COL25A1: variants seen among roughly 807,000 people sequenced by gnomAD.
COL25A1 encodes the protein collagen type XXV alpha 1 chain, also known as collagen alpha-1(XXV) chain.
Under a neutral mutation model 128.4 loss-of-function variants are expected in COL25A1, and 103 were observed. The observed-to-expected ratio is 0.80, with a 90% CI of 0.68 to 0.94. COL25A1 has a LOEUF of 0.94. COL25A1 is among the 40% of genes least tolerant of loss of function. COL25A1 has a pLI of 0.00. For synonymous variants in COL25A1, 279 were observed against 277.2 expected (o/e 1.01, Z -0.06); for missense variants, 745 against 840.0 (o/e 0.89, Z 1.40).
At chr4:108,956,718 T>C (rs1472423716) in intron 8 of COL25A1, among the ~76,000 whole-genome samples, 2 of 152,194 alleles carry the variant, frequency 1.3e-5, no homozygotes, top group East Asian at 3.9e-4. Flanking sequence ...AATATATGTA[T>C]TAATGAAACA....
At chr4:109,088,415 A>C (rs1302934179) in intron 3 of COL25A1, among the ~76,000 whole-genome samples, 2 of 152,212 alleles carry the variant, frequency 1.3e-5, no homozygotes, top group Non-Finnish European at 2.9e-5. Context: ...TTTTATTTTT[A>C]ATTGTAAATT....
intron 3 of COL25A1, among the ~76,000 whole-genome samples, chr4:109,214,254 A>C (rs541645835): frequency 6.6e-6 from 1 of 152,246 alleles, no homozygotes; most frequent in South Asian, 2.1e-4. Flanking sequence ...CATATTGAAA[A>C]CTTCATAAAA....
intron 3 of COL25A1, among the ~76,000 whole-genome samples, chr4:109,174,695 G>C (rs1773917237): frequency 6.6e-6 from 1 of 152,142 alleles, no homozygotes; most frequent in African/African-American, 2.4e-5. Flanking sequence ...AGAACTCCAG[G>C]GCAGGAATCT....
At chr4:109,100,631 C>A (rs1341655977) in intron 3 of COL25A1, among the ~76,000 whole-genome samples, 1 of 152,100 alleles carries the variant, frequency 6.6e-6, no homozygotes, top group Non-Finnish European at 1.5e-5. Flanking sequence ...TTCCCTGTAG[C>A]ATTTCTATAC....
intron 3 of COL25A1, among the ~76,000 whole-genome samples, chr4:109,110,779 C>A (rs574045303): frequency 6.6e-6 from 1 of 152,294 alleles, no homozygotes; most frequent in East Asian, 1.9e-4. Context: ...TCACCCCACA[C>A]AACAAATAAG....
chr4:109,117,841 T>A (rs1767750522), intron 3 of COL25A1, among the ~76,000 whole-genome samples: 1 of 151,940 alleles, frequency 6.6e-6, no homozygotes, highest in South Asian at 2.1e-4. Flanking sequence ...ATTTAGAAAG[T>A]GGACTCAGAT....
chr4:108,842,558 A>G (rs1734571521), intron 30 of COL25A1, among the ~76,000 whole-genome samples: 1 of 152,222 alleles, frequency 6.6e-6, no homozygotes, highest in African/African-American at 2.4e-5. Context: ...ACTGCAGGAA[A>G]AAGTTTTTAT....
intron 3 of COL25A1, among the ~76,000 whole-genome samples, chr4:109,148,130 A>C (rs1016312073): frequency 3.3e-5 from 5 of 152,210 alleles, no homozygotes; most frequent in African/African-American, 4.8e-5. Context: ...CTTGAATTTC[A>C]TTACTATTGT....
intron 37 of COL25A1, among the ~76,000 whole-genome samples, chr4:108,815,354 G>A (rs2125702662): frequency 6.9e-6 from 1 of 144,504 alleles, no homozygotes; most frequent in African/African-American, 2.5e-5. Context: ...GCAATCCGCT[G>A]ACTTTATTTT....
chr4:108,971,096 C>T (rs964780646), intron 8 of COL25A1, among the ~76,000 whole-genome samples: 1 of 152,126 alleles, frequency 6.6e-6, no homozygotes, highest in African/African-American at 2.4e-5. Context: ...TCAAGTGTCA[C>T]CTCTTCCACA....
intron 18 of COL25A1, among the ~76,000 whole-genome samples, chr4:108,886,483 TGTG>T (rs1560806392): frequency 3.1e-4 from 41 of 133,972 alleles, no homozygotes; most frequent in Middle Eastern, 3.8e-3. Context: ...TGTGTGTGTG[TGTG>T]TGTGTGTTTA....
intron 3 of COL25A1, among the ~76,000 whole-genome samples, chr4:109,247,443 C>A (rs1421561595): frequency 6.6e-6 from 1 of 152,092 alleles, no homozygotes; most frequent in African/African-American, 2.4e-5. Context: ...GAAAAGAAGC[C>A]AGTTAATGCT....
intron 31 of COL25A1, among the ~76,000 whole-genome samples, chr4:108,834,119 G>C (rs944417590): frequency 2.6e-5 from 4 of 152,156 alleles, no homozygotes; most frequent in African/African-American, 7.2e-5. Flanking sequence ...ATCCAGACTT[G>C]AACACGAGCT....
chr4:108,823,700 T>C (rs1415083077), intron 35 of COL25A1, among the ~76,000 whole-genome samples: 1 of 152,150 alleles, frequency 6.6e-6, no homozygotes, highest in East Asian at 1.9e-4. Flanking sequence ...CTGTAGTTTA[T>C]CAGTCACACT....
intron 5 of COL25A1, among the ~76,000 whole-genome samples, chr4:109,026,135 C>CAT (rs1553917374): frequency 1.3e-5 from 2 of 150,806 alleles, no homozygotes; most frequent in Admixed American, 6.6e-5. Context: ...CACACACACA[C>CAT]ATATACTCTT....
chr4:108,872,867 T>C (rs1738935210), intron 19 of COL25A1, among the ~76,000 whole-genome samples: 1 of 152,122 alleles, frequency 6.6e-6, no homozygotes, highest in South Asian at 2.1e-4. Context: ...TTTTTAGAAA[T>C]TTTTCAGTTT....
chr4:108,954,209 G>A (rs1046918961), intron 8 of COL25A1, among the ~76,000 whole-genome samples: 4 of 152,040 alleles, frequency 2.6e-5, no homozygotes, highest in African/African-American at 7.2e-5. Flanking sequence ...TGTCAAAACC[G>A]AATTTCCTGA....
chr4:109,090,418 G>C (rs1048987325), intron 3 of COL25A1, among the ~76,000 whole-genome samples: 3 of 152,122 alleles, frequency 2.0e-5, no homozygotes, highest in Admixed American at 6.5e-5. Flanking sequence ...ACATAGAGGA[G>C]AGTATCTGTC....
At chr4:108,853,512 T>C (rs1202353849) in intron 24 of COL25A1, among the ~76,000 whole-genome samples, 1 of 151,986 alleles carries the variant, frequency 6.6e-6, no homozygotes, top group Admixed American at 6.6e-5. Flanking sequence ...GTTTTTAAAA[T>C]TTATTGATTG....
Sources: allele counts gnomAD v4.1 joint callset (sites outside exome capture counted in the v4.1 genomes callset), GRCh38; gene constraint gnomAD v4.1.1; transcripts MANE v1.5; gene names NCBI Gene and HGNC (gene_info 2026-07-23, HGNC 2026-07-21).